Variants in KHDRBS2 observed in about 807,000 individuals in gnomAD.
KHDRBS2 encodes the protein KH domain-containing, RNA-binding, signal transduction-associated protein 2.
A neutral mutation model predicts 44.3 loss-of-function variants in KHDRBS2; 26 were observed. The ratio of observed to expected loss-of-function variants is 0.59; its 90% CI spans 0.43 to 0.81. The LOEUF (loss-of-function observed/expected upper bound fraction) is 0.81. Among genes scored for constraint, KHDRBS2 ranks in the 40% least tolerant of loss-of-function variants. The pLI is 0.00. For synonymous variants in KHDRBS2, 194 were observed against 151.1 expected (o/e 1.28, Z -2.08); for missense variants, 476 against 433.1 (o/e 1.10, Z -0.88).
intron 2 of KHDRBS2, among the ~76,000 whole-genome samples, chr6:62,151,626 A>G (rs1483129116): frequency 6.6e-6 from 1 of 152,004 alleles, no homozygotes; most frequent in East Asian, 1.9e-4. Context: ...TAACTCAACA[A>G]CCTCTGAAGG....
chr6:62,149,297 G>A (rs1814593545), intron 2 of KHDRBS2, among the ~76,000 whole-genome samples: 1 of 151,998 alleles, frequency 6.6e-6, no homozygotes, highest in African/African-American at 2.4e-5. Context: ...TTAATACAAT[G>A]AATAATCCTA....
chr6:61,871,202 G>A (rs777881900), intron 6 of KHDRBS2, among the ~76,000 whole-genome samples: 1 of 152,062 alleles, frequency 6.6e-6, no homozygotes, highest in African/African-American at 2.4e-5. Context: ...TGAGAACTTC[G>A]TCAAGCATAC....
chr6:62,088,827 C>A (rs1798924368), intron 2 of KHDRBS2, among the ~76,000 whole-genome samples: 1 of 152,146 alleles, frequency 6.6e-6, no homozygotes, highest in Non-Finnish European at 1.5e-5. Flanking sequence ...CGTAGCCACC[C>A]CTTGCCCCAG....
chr6:61,690,549 T>A (rs1321220771), intron 8 of KHDRBS2, among the ~76,000 whole-genome samples: 1 of 152,082 alleles, frequency 6.6e-6, no homozygotes, highest in Non-Finnish European at 1.5e-5. Flanking sequence ...ACCTGTTGGG[T>A]AAATTTTTTA....
intron 6 of KHDRBS2, among the ~76,000 whole-genome samples, chr6:61,882,977 T>A (rs752784013): frequency 1.3e-5 from 2 of 152,048 alleles, no homozygotes; most frequent in African/African-American, 4.8e-5. Flanking sequence ...TTCTTAGATA[T>A]GATTTGTAAC....
the KHDRBS2 span, among the ~76,000 whole-genome samples, chr6:61,592,049 AGTGTGGTG>A: frequency 2.0e-5 from 3 of 151,780 alleles, no homozygotes; most frequent in Non-Finnish European, 4.4e-5. Context: ...AAACTAGCCC[AGTGTGGTG>A]GCTCAGGTCT....
intron 6 of KHDRBS2, among the ~76,000 whole-genome samples, chr6:61,875,528 C>G (rs566769031): frequency 9.2e-5 from 14 of 152,124 alleles, no homozygotes; most frequent in Non-Finnish European, 1.8e-4. Flanking sequence ...CTGATTCAGG[C>G]TTAACTCTGA....
chr6:62,259,752 G>T (rs1446085111), intron 1 of KHDRBS2, among the ~76,000 whole-genome samples: 1 of 151,758 alleles, frequency 6.6e-6, no homozygotes, highest in African/African-American at 2.4e-5. Context: ...GCCACTCCAA[G>T]GCAATTTTTT....
At chr6:62,082,365 CAGA>C (rs1427435215) in intron 2 of KHDRBS2, among the ~76,000 whole-genome samples, 12 of 150,514 alleles carry the variant, frequency 8.0e-5, no homozygotes, top group African/African-American at 2.7e-4. Flanking sequence ...TTACATATCA[CAGA>C]AGAATTCCTA....
At chr6:61,961,476 A>G (rs1473041698) in intron 4 of KHDRBS2, among the ~76,000 whole-genome samples, 1 of 151,940 alleles carries the variant, frequency 6.6e-6, no homozygotes, top group African/African-American at 2.4e-5. Flanking sequence ...GGAAGGAAGG[A>G]AGGAAAGAGA....
chr6:61,659,892 C>T, the KHDRBS2 span, among the ~76,000 whole-genome samples: 1 of 151,722 alleles, frequency 6.6e-6, no homozygotes, highest in East Asian at 1.9e-4. Flanking sequence ...TTTGTTTCTT[C>T]TAATGTAAAA....
chr6:62,181,018 A>C (rs1364581644), intron 1 of KHDRBS2, among the ~76,000 whole-genome samples: 4 of 85,388 alleles, frequency 4.7e-5, no homozygotes, highest in Non-Finnish European at 9.3e-5. Flanking sequence ...CTCTTCTCTT[A>C]CACTGCACAA....
At chr6:61,931,412 T>A (rs1445555916) in intron 4 of KHDRBS2, among the ~76,000 whole-genome samples, 1 of 151,988 alleles carries the variant, frequency 6.6e-6, no homozygotes, top group East Asian at 1.9e-4. Context: ...TTAAAAACTA[T>A]ATAAAATATT....
intron 7 of KHDRBS2, among the ~76,000 whole-genome samples, chr6:61,718,805 G>A (rs1441829665): frequency 3.3e-5 from 5 of 151,986 alleles, no homozygotes; most frequent in Non-Finnish European, 7.4e-5. Context: ...TATCTTCAGG[G>A]GACTAAATTG....
chr6:61,546,569 C>T, the KHDRBS2 span, among the ~76,000 whole-genome samples: 3 of 151,980 alleles, frequency 2.0e-5, no homozygotes, highest in African/African-American at 4.8e-5. Context: ...CCAAGCAATT[C>T]TAATATTAAA....
At chr6:62,223,696 C>A (rs1012062163) in intron 1 of KHDRBS2, among the ~76,000 whole-genome samples, 1 of 152,110 alleles carries the variant, frequency 6.6e-6, no homozygotes, top group African/African-American at 2.4e-5. Flanking sequence ...CCACCAGATA[C>A]CCTAAATCAT....
At chr6:61,883,780 A>G (rs187812546) in intron 6 of KHDRBS2, among the ~76,000 whole-genome samples, 1 of 152,164 alleles carries the variant, frequency 6.6e-6, no homozygotes, top group Admixed American at 6.6e-5. Flanking sequence ...AGTTATTTTA[A>G]ATATTAGTTA....
intron 6 of KHDRBS2, among the ~76,000 whole-genome samples, chr6:61,787,999 T>C (rs948293878): frequency 1.3e-5 from 2 of 151,656 alleles, no homozygotes; most frequent in African/African-American, 4.8e-5. Flanking sequence ...TTCTAATGCA[T>C]TAACTAAGTA....
At chr6:62,238,856 C>T (rs1338427587) in intron 1 of KHDRBS2, among the ~76,000 whole-genome samples, 1 of 152,218 alleles carries the variant, frequency 6.6e-6, no homozygotes, top group African/African-American at 2.4e-5. Flanking sequence ...CAATAATGTG[C>T]TTTCTCATGT....
Sources: gnomAD v4.1 joint callset for allele counts (sites outside exome capture counted in the v4.1 genomes callset) on GRCh38, gnomAD v4.1.1 for gene constraint, MANE v1.5 for transcripts, NCBI Gene and HGNC (gene_info 2026-07-23, HGNC 2026-07-21) for gene names.